ELMO1: variants seen among roughly 807,000 people sequenced by gnomAD.
ELMO1 encodes engulfment and cell motility protein 1.
In ELMO1, 26 loss-of-function variants were observed where a neutral mutation model predicts 98.9. The observed-to-expected ratio is 0.26, with a 90% CI of 0.19 to 0.36. ELMO1 has a LOEUF of 0.36. Ranked by LOEUF, ELMO1 falls within the 10% of genes least tolerant of loss-of-function variation. The probability of loss-of-function intolerance (pLI) is 1.00; values close to 1 mark genes in which losing one functional copy is unlikely to be tolerated. For missense variants in ELMO1, 627 were observed against 935.2 expected, an observed-to-expected ratio of 0.67 and a Z score of 4.30; for synonymous variants, 346 against 346.0, an observed-to-expected ratio of 1.00 and a Z score of 0.00.
chr7:36,881,467 C>T (rs551951373), intron 18 of ELMO1, among the ~76,000 whole-genome samples: 2 of 152,166 alleles, frequency 1.3e-5, no homozygotes, highest in African/African-American at 2.4e-5. Flanking sequence ...GAGTGAATTG[C>T]GTCACTAAAA....
At chr7:37,051,840 G>A (rs753458321) in intron 15 of ELMO1, among the ~76,000 whole-genome samples, 12 of 152,144 alleles carry the variant, frequency 7.9e-5, no homozygotes, top group Non-Finnish European at 1.8e-4. Flanking sequence ...CCCAAATGTG[G>A]CTTCTTCTTG....
chr7:37,337,536 A>C (rs891315761), intron 2 of ELMO1, among the ~76,000 whole-genome samples: 3 of 152,096 alleles, frequency 2.0e-5, no homozygotes, highest in South Asian at 2.1e-4. Flanking sequence ...AAAAAAAAAA[A>C]AAAAAACACC....
chr7:37,087,466 T>C (rs758804777), intron 15 of ELMO1, among the ~76,000 whole-genome samples: 1 of 152,098 alleles, frequency 6.6e-6, no homozygotes, highest in Non-Finnish European at 1.5e-5. Context: ...TAAGAGTGTG[T>C]CCTAGTCCAT....
intron 15 of ELMO1, among the ~76,000 whole-genome samples, chr7:37,063,064 G>A (rs913097061): frequency 6.6e-6 from 1 of 152,172 alleles, no homozygotes; most frequent in African/African-American, 2.4e-5. Context: ...AAGAAAATAA[G>A]CTACCATACC....
chr7:37,306,525 T>G (rs1583507986), intron 4 of ELMO1, among the ~76,000 whole-genome samples: 1 of 152,168 alleles, frequency 6.6e-6, no homozygotes, highest in South Asian at 2.1e-4. Flanking sequence ...TTTCATCTCA[T>G]GCAGGAATAG....
chr7:37,099,993 C>T (rs1296205901), intron 14 of ELMO1, among the ~76,000 whole-genome samples: 1 of 152,110 alleles, frequency 6.6e-6, no homozygotes, highest in Non-Finnish European at 1.5e-5. Context: ...ACCACCACAC[C>T]CAACTAATTT....
At chr7:37,306,139 G>A (rs1375230964) in intron 4 of ELMO1, among the ~76,000 whole-genome samples, 1 of 152,168 alleles carries the variant, frequency 6.6e-6, no homozygotes, top group East Asian at 1.9e-4. Context: ...CTAGGTGTGT[G>A]TTTGTTTCTA....
chr7:36,938,787 C>T (rs865809052), intron 16 of ELMO1, among the ~76,000 whole-genome samples: 4 of 151,900 alleles, frequency 2.6e-5, no homozygotes, highest in Non-Finnish European at 5.9e-5. Context: ...CAATGGCTAC[C>T]TAGAATGTAA....
intron 15 of ELMO1, among the ~76,000 whole-genome samples, chr7:37,022,828 TAA>T (rs1311189056): frequency 6.6e-6 from 1 of 152,224 alleles, no homozygotes; most frequent in Admixed American, 6.5e-5. Flanking sequence ...TGAAACAATC[TAA>T]ATGTCCATCC....
At chr7:37,379,655 A>C (rs1235161019) in intron 1 of ELMO1, among the ~76,000 whole-genome samples, 1 of 152,220 alleles carries the variant, frequency 6.6e-6, no homozygotes, top group East Asian at 1.9e-4. Flanking sequence ...CTCTAAGGTT[A>C]AGAAAAGAAA....
intron 15 of ELMO1, among the ~76,000 whole-genome samples, chr7:37,057,160 C>A (rs1796429304): frequency 6.6e-6 from 1 of 152,008 alleles, no homozygotes; most frequent in African/African-American, 2.4e-5. Flanking sequence ...AATTATATTA[C>A]CAATCGCAGG....
At chr7:37,161,968 A>G (rs1789251686) in intron 13 of ELMO1, among the ~76,000 whole-genome samples, 1 of 124,790 alleles carries the variant, frequency 8.0e-6, no homozygotes, top group African/African-American at 2.9e-5. Flanking sequence ...ACATCATCTC[A>G]AGTGAGGTGA....
chr7:36,855,530 G>A lies in ELMO1; in HGVS notation c.*21C>T, dbSNP rs757405131. On this transcript the variant is annotated 3_prime_UTR_variant, in exon 22 of 22. Transcript: ENST00000310758. This position sits in a 1 kb window ranked among gnomAD's most constrained non-coding sequence, Gnocchi z 4.2. ...GCTAGGTGTTCCAGTTTTGGAAGGG[G>A]CATGTCTGGGCCCGGCCACTTCAGT... 15 of 1,613,254 alleles carry A rather than the reference G, an allele frequency of 9.3e-6. No homozygotes were observed. In the Admixed American group the frequency reaches 1.8e-4, roughly 20 times the overall value.
intron 18 of ELMO1, 113 bp from the exon 19 acceptor site, chr7:36,878,230 A>C (rs1362383200): frequency 1.3e-6 from 1 of 779,482 alleles, no homozygotes; most frequent in East Asian, 2.7e-5. Flanking sequence ...ATTTGATTTT[A>C]AGTCTTGAGG....
At chr7:37,322,817 G>C (rs1799593624) in intron 2 of ELMO1, among the ~76,000 whole-genome samples, 2 of 151,838 alleles carry the variant, frequency 1.3e-5, no homozygotes, top group Non-Finnish European at 2.9e-5. Flanking sequence ...GCCAGGCTCT[G>C]TCTCGAAAAA....
At chr7:36,948,081 A>G (rs905985673) in intron 16 of ELMO1, among the ~76,000 whole-genome samples, 1 of 152,244 alleles carries the variant, frequency 6.6e-6, no homozygotes, top group African/African-American at 2.4e-5. Context: ...AAGATGCTCA[A>G]TAAGTGTAGT....
intron 14 of ELMO1, among the ~76,000 whole-genome samples, chr7:37,120,641 G>A (rs952602453): frequency 1.8e-4 from 28 of 152,344 alleles, no homozygotes; most frequent in African/African-American, 6.7e-4. Context: ...CTCAAACTGG[G>A]TGGAGCCCAC....
Position 36,921,007 on chromosome 7 carries a change from T to C in ELMO1, c.1438-25990A>G, listed in dbSNP as rs555264786. 3.9e-5 allele frequency among the ~76,000 whole-genome samples: 6 copies of C among 152,274 alleles called. No individual in the cohort carries two copies. The South Asian group carries it at 1.2e-3, about 32-fold the overall frequency. On this transcript the variant is annotated intron_variant, in intron 16 of 21. Transcript: ENST00000310758. ...GTCATGAAGATTCTGCTGTAATGAA[T>C]AGGGTTACTGAAGTTATAAAAGAGG...
At position 37,348,084 on chromosome 7, in the gene ELMO1, C is replaced by T. The variant is rs967450549; in HGVS notation, c.-73-5321G>A. 1.7e-4 allele frequency among the ~76,000 whole-genome samples: 26 copies of T among 152,166 alleles called. 1 individual carries two copies. Among genetic ancestry groups the T allele is most frequent in the Admixed American group, 1.6e-3 (25 of 15,282 alleles). On this transcript the variant is annotated intron_variant, in intron 1 of 21. Coordinates refer to ENST00000310758, the MANE Select transcript of ELMO1 (RefSeq NM_014800.11). ...ATTCACAGTTACAGACTCAGGGCCG[C>T]GGCAGGCAGGCATTTTAATACATAG...
Sources: gnomAD v4.1 joint callset for allele counts (sites outside exome capture counted in the v4.1 genomes callset) on GRCh38, gnomAD v4.1.1 for gene constraint, Gnocchi (gnomAD v3.1) non-coding constraint, MANE v1.5 for transcripts, NCBI Gene and HGNC (gene_info 2026-07-23, HGNC 2026-07-21) for gene names.